PDXDC1: variants seen among roughly 807,000 people sequenced by gnomAD.
The protein encoded by PDXDC1 is pyridoxal-dependent decarboxylase domain-containing protein 1.
Under a neutral mutation model 100.1 loss-of-function variants are expected in PDXDC1, and 42 were observed. The observed-to-expected ratio is 0.42, with a 90% CI of 0.33 to 0.54. The LOEUF (loss-of-function observed/expected upper bound fraction) is 0.54. Ranked by LOEUF, PDXDC1 falls within the 20% of genes least tolerant of loss-of-function variation. The pLI, the probability that PDXDC1 is intolerant of heterozygous loss-of-function variation, is 0.10. For synonymous variants in PDXDC1, 260 were observed against 371.7 expected (o/e 0.70, Z 3.46); for missense variants, 636 against 979.2 (o/e 0.65, Z 4.68).
chr16:15,019,553 G>A (rs577191889), intron 12 of PDXDC1, among the ~76,000 whole-genome samples: 1 of 152,404 alleles, frequency 6.6e-6, no homozygotes, highest in South Asian at 2.1e-4. Context: ...ATTGCTTACA[G>A]TTCTGGACGT....
chr16:15,020,816 T>G (rs1597567628), intron 12 of PDXDC1, among the ~76,000 whole-genome samples: 1 of 152,076 alleles, frequency 6.6e-6, no homozygotes, highest in African/African-American at 2.4e-5. Context: ...AGACTCCGTC[T>G]CTATTAAATA....
chr16:15,127,981 C>A (rs1167768088), intron 16 of PDXDC1: 4 of 1,581,318 alleles, frequency 2.5e-6, no homozygotes, highest in South Asian at 2.2e-5. Context: ...GAACATGGAA[C>A]GAGGCCTTAC....
At chr16:15,099,373 T>C (rs187157857) in intron 16 of PDXDC1, among the ~76,000 whole-genome samples, 128 of 123,938 alleles carry the variant, frequency 1.0e-3, no homozygotes, top group Middle Eastern at 8.1e-3. Context: ...TGAGCCAAGA[T>C]CGCAACACTG....
the PDXDC1 span, among the ~76,000 whole-genome samples, chr16:15,148,249 G>A: frequency 6.6e-6 from 1 of 151,758 alleles, no homozygotes; most frequent in African/African-American, 2.4e-5. Flanking sequence ...GAGGCACCGC[G>A]CCCGGCTGGA....
intron 8 of PDXDC1, among the ~76,000 whole-genome samples, chr16:15,014,755 G>A (rs1271924193): frequency 2.0e-5 from 3 of 152,278 alleles, no homozygotes; most frequent in Admixed American, 1.3e-4. Context: ...ACGGTTGGGG[G>A]AATGCCTGAC....
At chr16:15,032,179 C>T in intron 17 of PDXDC1, 1 of 481,878 alleles carries the variant, frequency 2.1e-6, no homozygotes, top group Non-Finnish European at 3.7e-6. Context: ...GTATATATCA[C>T]TCACTGAGAA....
chr16:15,003,307 C>T (rs1212139555), intron 4 of PDXDC1, among the ~76,000 whole-genome samples: 1 of 151,674 alleles, frequency 6.6e-6, no homozygotes, highest in Non-Finnish European at 1.5e-5. Flanking sequence ...AGCTCTGCCT[C>T]CCGGGTTCAC....
rs1429861582 is a variant in PDXDC1 at position 14,975,074 on chromosome 16, C to T, written c.-126C>T. 4.7e-6 allele frequency: 7 copies of T among 1,495,350 alleles called. No individual in the cohort carries two copies. The highest frequency in any genetic ancestry group is 2.8e-5 in the African/African-American group (2 of 71,014). The allele number at this position is 1,495,350 out of a possible 1,614,324, so 92.6% of individuals were successfully genotyped here. On this transcript the variant is annotated 5_prime_UTR_variant, in exon 1 of 23. Coordinates refer to ENST00000396410, the MANE Select transcript of PDXDC1 (RefSeq NM_015027.4). Reference sequence around the variant, plus strand: ...CCCGCGGCGCCGCCTGGCAGCTCCTCCTCTTCTCCGCCCCGCCGGCCGCGG... The same window carrying T: ...CCCGCGGCGCCGCCTGGCAGCTCCTTCTCTTCTCCGCCCCGCCGGCCGCGG...
the PDXDC1 span, among the ~76,000 whole-genome samples, chr16:15,146,531 G>A: frequency 6.6e-6 from 1 of 152,156 alleles, no homozygotes; most frequent in Non-Finnish European, 1.5e-5. Flanking sequence ...CAAACACCCA[G>A]AGGTAGGCAC....
chr16:15,079,604 T>C (rs1248304549), intron 16 of PDXDC1, among the ~76,000 whole-genome samples: 1 of 151,844 alleles, frequency 6.6e-6, no homozygotes, highest in Non-Finnish European at 1.5e-5. Flanking sequence ...TTCTTTTTTT[T>C]TTTTTTGAGA....
At position 15,031,789 on chromosome 16, in the gene PDXDC1, A is replaced by T. The variant is rs376209986; in HGVS notation, c.1454A>T (p.Lys485Ile). 40 of 1,613,910 alleles carry T rather than the reference A, an allele frequency of 2.5e-5. No individual in the cohort carries two copies. In the African/African-American group the frequency reaches 5.3e-4, roughly 22 times the overall value. ...VDQLVACIES[K>I]LPVLCCTLQL... ...CAGCTCGTAGCCTGCATAGAAAGCAAACTGCCAGTGCTGTGCTGTACGCTC... is the reference window on the plus strand; with the variant it reads ...CAGCTCGTAGCCTGCATAGAAAGCATACTGCCAGTGCTGTGCTGTACGCTC... The change falls in exon 17 of 23, where the codon AAA (lysine) becomes ATA (isoleucine). Residue 485 changes from lysine to isoleucine, a missense_variant. Coordinates refer to ENST00000396410, the MANE Select transcript of PDXDC1 (RefSeq NM_015027.4).
intron 14 of PDXDC1, among the ~76,000 whole-genome samples, chr16:15,027,652 C>A (rs1314398675): frequency 6.6e-6 from 1 of 152,288 alleles, no homozygotes; most frequent in African/African-American, 2.4e-5. Context: ...TGGCCAAACT[C>A]CGCCTCGTCC....
intron 4 of PDXDC1, among the ~76,000 whole-genome samples, chr16:15,003,625 T>A (rs1303395587): frequency 2.0e-5 from 3 of 152,296 alleles, no homozygotes; most frequent in Admixed American, 2.0e-4. Flanking sequence ...GGAAATTATT[T>A]TAAAACAGTT....
downstream of PDXDC1, chr16:15,040,576 T>G: frequency 5.8e-6 from 1 of 172,870 alleles, no homozygotes; most frequent in Non-Finnish European, 1.2e-5. Context: ...TCCGCGGGAG[T>G]CCTGGGGCTG....
At position 15,037,646 on chromosome 16, in the gene PDXDC1, T is replaced by C. The variant is rs1480537923; in HGVS notation, c.*1371T>C. On this transcript the variant is annotated 3_prime_UTR_variant, in exon 23 of 23. Coordinates refer to ENST00000396410, the MANE Select transcript of PDXDC1 (RefSeq NM_015027.4). ...GCTGAAACATTTCACCCTTGAGATA[T>C]TATTTGAATGTTGGTTTCAATAAAG... is the stretch of plus-strand genomic sequence containing the variant. The C allele has an allele frequency of 6.2e-6, 1 of 162,326 alleles. No homozygotes were observed. The highest frequency in any genetic ancestry group is 6.3e-5 in the Admixed American group (1 of 15,826). 10.1% of individuals were successfully genotyped at this position (162,326 alleles called of 1,614,324 possible).
chr16:15,148,490 G>A, the PDXDC1 span, among the ~76,000 whole-genome samples: 1 of 142,084 alleles, frequency 7.0e-6, no homozygotes, highest in Non-Finnish European at 1.5e-5. Context: ...CTCAAGTGAT[G>A]TCCCACCTCA....
downstream of PDXDC1, among the ~76,000 whole-genome samples, chr16:15,042,474 G>A (rs996743537): frequency 1.6e-4 from 24 of 152,280 alleles, no homozygotes; most frequent in East Asian, 1.9e-4. Context: ...ACAGGAATGA[G>A]CCACTGCGCC....
chr16:15,093,914 T>C (rs1465649135), intron 16 of PDXDC1: 8 of 539,542 alleles, frequency 1.5e-5, no homozygotes, highest in Non-Finnish European at 2.6e-5. Context: ...AGAGACACAG[T>C]CGGGAAAGGG....
At chr16:14,992,966 C>T (rs1428529517) in intron 1 of PDXDC1, among the ~76,000 whole-genome samples, 12 of 152,314 alleles carry the variant, frequency 7.9e-5, no homozygotes, top group African/African-American at 2.9e-4. Context: ...ATCCTCCTAC[C>T]TCTGCCTCCC....
Sources: gnomAD v4.1 joint callset for allele counts (sites outside exome capture counted in the v4.1 genomes callset) on GRCh38, gnomAD v4.1.1 for gene constraint, MANE v1.5 for transcripts, NCBI Gene and HGNC (gene_info 2026-07-23, HGNC 2026-07-21) for gene names.